The following TGFBR3 variants were observed in gnomAD, a reference collection of about 807,000 sequenced individuals.
The protein encoded by TGFBR3 is transforming growth factor beta receptor 3.
A neutral mutation model predicts 87.9 loss-of-function variants in TGFBR3; 46 were observed. The ratio of observed to expected loss-of-function variants is 0.52; its 90% CI spans 0.41 to 0.67. The LOEUF (loss-of-function observed/expected upper bound fraction) is 0.67, where lower values mean the gene tolerates loss of function less well. TGFBR3 is among the 30% of genes least tolerant of loss of function. The probability of loss-of-function intolerance (pLI) is 0.00; values close to 1 mark genes in which losing one functional copy is unlikely to be tolerated. For missense variants in TGFBR3, 866 were observed against 1,041.9 expected (o/e 0.83, Z 2.32); for synonymous variants, 381 against 391.6 (o/e 0.97, Z 0.32).
chr1:91,826,921 CAG>C (rs1046168618), intron 2 of TGFBR3, among the ~76,000 whole-genome samples: 1 of 152,030 alleles, frequency 6.6e-6, no homozygotes, highest in Admixed American at 6.6e-5. Flanking sequence ...AAGCGATGAA[CAG>C]AGAGTTATCA....
At chr1:91,719,116 G>A (rs4658260) in intron 10 of TGFBR3, among the ~76,000 whole-genome samples, 196 bp downstream of exon 10, 31,935 of 152,092 alleles carry the variant, frequency 0.21, 3,683 homozygotes, top group South Asian at 0.3. Context: ...AATTCCCAAA[G>A]ACTCACCAAT....
At chr1:91,772,819 T>C (rs991534904) in intron 3 of TGFBR3, among the ~76,000 whole-genome samples, 6 of 152,212 alleles carry the variant, frequency 3.9e-5, no homozygotes, top group African/African-American at 1.4e-4. Context: ...AATATTAGCA[T>C]CTTCAGTACA....
At chr1:91,788,535 GGAGT>G (rs1317064140) in intron 3 of TGFBR3, among the ~76,000 whole-genome samples, 1 of 152,218 alleles carries the variant, frequency 6.6e-6, no homozygotes, top group African/African-American at 2.4e-5. Context: ...TACCGTGGAA[GGAGT>G]GATTGAAGTC....
intron 1 of TGFBR3, among the ~76,000 whole-genome samples, chr1:91,871,022 G>A (rs1557754724): frequency 6.6e-6 from 1 of 151,288 alleles, no homozygotes; most frequent in Non-Finnish European, 1.5e-5. Context: ...GGGCAACAGA[G>A]TGGGACTCTG....
intron 2 of TGFBR3, among the ~76,000 whole-genome samples, chr1:91,833,571 C>T (rs1247045721): frequency 1.3e-5 from 2 of 151,008 alleles, no homozygotes; most frequent in Non-Finnish European, 2.9e-5. Flanking sequence ...GGTTCAAGAC[C>T]AGCCTGGCCA....
At chr1:91,747,621 G>GTCAACGTA (rs1673389649) in intron 4 of TGFBR3, among the ~76,000 whole-genome samples, 1 of 152,194 alleles carries the variant, frequency 6.6e-6, no homozygotes, top group South Asian at 2.1e-4. Flanking sequence ...AGTTTTATAT[G>GTCAACGTA]TCAACGTATC....
At chr1:91,814,344 T>C (rs1055838919) in intron 2 of TGFBR3, among the ~76,000 whole-genome samples, 23 of 152,316 alleles carry the variant, frequency 1.5e-4, no homozygotes, top group African/African-American at 2.9e-4. Context: ...GCCCGAGAGA[T>C]AGCTCATAAT....
intron 1 of TGFBR3, among the ~76,000 whole-genome samples, chr1:91,902,349 G>A (rs758328388): frequency 1.3e-5 from 2 of 151,052 alleles, no homozygotes; most frequent in Non-Finnish European, 2.9e-5. Flanking sequence ...CATGATCATA[G>A]CTCACTGCAG....
chr1:91,820,748 G>A (rs1676419760), intron 2 of TGFBR3, among the ~76,000 whole-genome samples: 1 of 152,116 alleles, frequency 6.6e-6, no homozygotes, highest in Non-Finnish European at 1.5e-5. Flanking sequence ...TACATATGCT[G>A]CATTTAAAAC....
At position 91,780,291 on chromosome 1, in the gene TGFBR3, T is replaced by C. The variant is rs573095939; in HGVS notation, c.246+16996A>G. ...GTGTGGATAAACAGTGAGCAAAGCT[T>C]TTCCCTTTTACATGAGAATTTGATC... On this transcript the variant is annotated intron_variant, in intron 3 of 16. Coordinates refer to ENST00000212355, the MANE Select transcript of TGFBR3 (RefSeq NM_003243.5). Among the ~76,000 whole-genome samples, 52 of 152,296 alleles carry C rather than the reference T, an allele frequency of 3.4e-4. 1 individual carries two copies. The South Asian group carries it at 9.5e-3, about 28-fold the overall frequency.
intron 3 of TGFBR3, among the ~76,000 whole-genome samples, chr1:91,795,463 C>G (rs1054711237): frequency 3.3e-5 from 5 of 152,134 alleles, no homozygotes; most frequent in Admixed American, 6.5e-5. Flanking sequence ...AACATAGTAA[C>G]CAAGTGCAGG....
intron 2 of TGFBR3, among the ~76,000 whole-genome samples, chr1:91,814,665 G>GAC (rs1676152518): frequency 1.3e-5 from 2 of 151,968 alleles, no homozygotes; most frequent in South Asian, 4.1e-4. Context: ...CAAACAGGCC[G>GAC]ACACCTACTT....
chr1:91,757,420 T>C (rs1171952027), intron 4 of TGFBR3, among the ~76,000 whole-genome samples: 3 of 152,242 alleles, frequency 2.0e-5, no homozygotes, highest in Admixed American at 2.0e-4. Context: ...ATAGTCACTA[T>C]TTTTTATGTG....
At chr1:91,865,597 T>C (rs1678365599) in intron 1 of TGFBR3, among the ~76,000 whole-genome samples, 2 of 152,170 alleles carry the variant, frequency 1.3e-5, no homozygotes, top group Admixed American at 1.3e-4. Flanking sequence ...ACACTTAGTA[T>C]TCATCAATGA....
intron 2 of TGFBR3, among the ~76,000 whole-genome samples, chr1:91,899,342 C>CA (rs1038887592): frequency 5.3e-5 from 8 of 152,136 alleles, no homozygotes; most frequent in South Asian, 2.1e-4. Flanking sequence ...CCTGTCTCTA[C>CA]AAAAAATTTA....
At chr1:91,890,409 CT>C (rs1175619952), upstream of TGFBR3, among the ~76,000 whole-genome samples, 78 of 60,374 alleles carry the variant, frequency 1.3e-3, no homozygotes, top group East Asian at 8.0e-3. Flanking sequence ...TCTCTATAAT[CT>C]TTTTTTTTTT....
intron 14 of TGFBR3, among the ~76,000 whole-genome samples, chr1:91,707,243 T>C (rs1050837677): frequency 6.6e-6 from 1 of 152,214 alleles, no homozygotes; most frequent in Non-Finnish European, 1.5e-5. Flanking sequence ...AGCAGTGCCT[T>C]AGGCTCCCAG....
chr1:91,872,976 G>A lies in TGFBR3; in HGVS notation c.-113-11332C>T, dbSNP rs534723006. ...TTCCCTTTTTTTGACGGGGTGGTGGGAGGGGGGGATAGGGTTTCACTCTGT... is the reference window on the plus strand; with the variant it reads ...TTCCCTTTTTTTGACGGGGTGGTGGAAGGGGGGGATAGGGTTTCACTCTGT... On this transcript the variant is annotated intron_variant, in intron 1 of 16. Transcript: ENST00000212355. Among the ~76,000 whole-genome samples the A allele has an allele frequency of 1.7e-4, 26 of 151,834 alleles. No homozygotes were observed. In the South Asian group the frequency reaches 3.6e-3, roughly 21 times the overall value.
In TGFBR3 at chr1:91,693,439, T is replaced by A. The variant is rs1571412232; in HGVS notation, c.2437+2233A>T. The stretch of plus-strand genomic sequence containing the variant: ...GAAAGGCCCTCCTGAAGTCTCTGGC[T>A]TGGGGGAAAAAGGATCAGTAACAAC... On this transcript the variant is annotated intron_variant, in intron 16 of 16. Transcript: ENST00000212355. 2.6e-5 allele frequency among the ~76,000 whole-genome samples: 4 copies of A among 152,314 alleles called. No individual in the cohort carries two copies. In the Middle Eastern group the frequency reaches 0.014, roughly 518 times the overall value.
Sources: gnomAD v4.1 joint callset for allele counts (sites outside exome capture counted in the v4.1 genomes callset) on GRCh38, gnomAD v4.1.1 for gene constraint, MANE v1.5 for transcripts, NCBI Gene and HGNC (gene_info 2026-07-23, HGNC 2026-07-21) for gene names.